Variants in CSTPP1 observed in about 807,000 individuals in gnomAD.
The protein encoded by CSTPP1 is UPF0705 protein C11orf49.
At chr11:46,977,009 C>T in the CSTPP1 span, among the ~76,000 whole-genome samples, 1 of 152,204 alleles carries the variant, frequency 6.6e-6, no homozygotes, top group African/African-American at 2.4e-5. Flanking sequence ...ATCTTCTGAA[C>T]TACTCAGTGA....
chr11:47,164,369 A>C, the CSTPP1 span: 1 of 1,177,826 alleles, frequency 8.5e-7, no homozygotes. Context: ...TTTCAATACA[A>C]ACAGTCCAGA....
the CSTPP1 span, among the ~76,000 whole-genome samples, chr11:47,046,904 CTT>C: frequency 1.2e-4 from 13 of 112,182 alleles, no homozygotes; most frequent in Non-Finnish European, 9.7e-5. Flanking sequence ...AATTTCTTTT[CTT>C]TTTTTTTTTT....
chr11:47,144,978 C>A, the CSTPP1 span, among the ~76,000 whole-genome samples: 4 of 117,696 alleles, frequency 3.4e-5, no homozygotes, highest in African/African-American at 6.8e-5. Flanking sequence ...GTATTGCCTG[C>A]CATTTTTTTT....
chr11:46,991,720 C>G, the CSTPP1 span: 1 of 152,324 alleles, frequency 6.6e-6, no homozygotes, highest in South Asian at 2.1e-4. Flanking sequence ...CCCTATTACA[C>G]TGGTTGCTTG....
At chr11:47,115,764 C>A in the CSTPP1 span, among the ~76,000 whole-genome samples, 7 of 151,204 alleles carry the variant, frequency 4.6e-5, no homozygotes, top group Non-Finnish European at 7.4e-5. Context: ...AAAAAAAAAA[C>A]CAGCTCCTGG....
the CSTPP1 span, among the ~76,000 whole-genome samples, chr11:47,138,995 A>AAC: frequency 6.7e-6 from 1 of 149,202 alleles, no homozygotes; most frequent in Non-Finnish European, 1.5e-5. Context: ...AAAAAAAAAA[A>AAC]AAAAAAAAAA....
At chr11:46,983,978 C>T in the CSTPP1 span, among the ~76,000 whole-genome samples, 96 of 152,162 alleles carry the variant, frequency 6.3e-4, no homozygotes, top group Non-Finnish European at 1.2e-3. Context: ...TGGTTCTTTT[C>T]AAGAAACTTT....
the CSTPP1 span, among the ~76,000 whole-genome samples, chr11:46,979,343 A>G: frequency 1.3e-5 from 2 of 152,182 alleles, no homozygotes; most frequent in Non-Finnish European, 2.9e-5. Context: ...GATTTACTAC[A>G]TGTTTAGCAA....
the CSTPP1 span, among the ~76,000 whole-genome samples, chr11:46,959,233 A>G: frequency 2.0e-5 from 3 of 149,172 alleles, no homozygotes; most frequent in Non-Finnish European, 4.5e-5. Flanking sequence ...TGTCGTCTAC[A>G]TTTTCTTTTT....
At chr11:47,039,181 A>G in the CSTPP1 span, among the ~76,000 whole-genome samples, 1 of 127,188 alleles carries the variant, frequency 7.9e-6, no homozygotes, top group African/African-American at 2.5e-5. Context: ...TAGCGAGCCG[A>G]GGTCACGCCA....
chr11:47,112,939 C>T, the CSTPP1 span, among the ~76,000 whole-genome samples: 9 of 152,194 alleles, frequency 5.9e-5, no homozygotes, highest in East Asian at 1.2e-3. Flanking sequence ...TTGCTGCACC[C>T]GTCAACTCAT....
the CSTPP1 span, among the ~76,000 whole-genome samples, chr11:47,115,724 A>T: frequency 6.7e-6 from 1 of 148,328 alleles, no homozygotes; most frequent in Non-Finnish European, 1.5e-5. Flanking sequence ...TCATCTTGCT[A>T]GCGGTCTATC....
At chr11:47,137,851 G>A in the CSTPP1 span, 1 of 934,904 alleles carries the variant, frequency 1.1e-6, no homozygotes, top group African/African-American at 1.7e-5. Flanking sequence ...CAGTGGGAGA[G>A]GGGTCTATTT....
the CSTPP1 span, among the ~76,000 whole-genome samples, chr11:47,021,311 C>T: frequency 6.6e-6 from 1 of 152,126 alleles, no homozygotes; most frequent in Admixed American, 6.6e-5. Context: ...TTTCCTGAAG[C>T]ACCTTTAAGC....
At chr11:47,052,829 G>A in the CSTPP1 span, 1 of 190,136 alleles carries the variant, frequency 5.3e-6, no homozygotes, top group African/African-American at 2.4e-5. Flanking sequence ...GCTCTCTGTG[G>A]TAGATACCAT....
the CSTPP1 span, chr11:47,052,240 G>T: frequency 1.0e-6 from 1 of 995,696 alleles, no homozygotes; most frequent in Non-Finnish European, 1.4e-6. Flanking sequence ...CCCCATAGAA[G>T]GACTAGGTCT....
chr11:47,061,502 G>T, the CSTPP1 span, among the ~76,000 whole-genome samples: 1 of 152,190 alleles, frequency 6.6e-6, no homozygotes, highest in Non-Finnish European at 1.5e-5. Flanking sequence ...ATCTTCACCA[G>T]TAAAAATCAT....
the CSTPP1 span, among the ~76,000 whole-genome samples, chr11:47,121,178 G>C: frequency 6.6e-6 from 1 of 152,022 alleles, no homozygotes; most frequent in South Asian, 2.1e-4. Context: ...ATATTTTTCT[G>C]CCTCTCTGTT....
At chr11:46,953,274 A>G in the CSTPP1 span, among the ~76,000 whole-genome samples, 1 of 152,188 alleles carries the variant, frequency 6.6e-6, no homozygotes, top group African/African-American at 2.4e-5. Context: ...AGTTTGACCA[A>G]TTAGGGAAAG....
Sources: allele counts gnomAD v4.1 joint callset (sites outside exome capture counted in the v4.1 genomes callset), GRCh38; gene constraint gnomAD v4.1.1; transcripts MANE v1.5; gene names NCBI Gene and HGNC (gene_info 2026-07-23, HGNC 2026-07-21).